Variants in UBE2E2 observed in about 807,000 individuals in gnomAD.
UBE2E2 encodes ubiquitin-conjugating enzyme E2 E2.
In UBE2E2, 6 loss-of-function variants were observed where a neutral mutation model predicts 24.7. That is an observed-to-expected ratio of 0.24 (90% CI 0.13 to 0.48). UBE2E2 has a LOEUF of 0.48. UBE2E2 is among the 20% of genes least tolerant of loss of function. The pLI is 0.99. For missense variants in UBE2E2, 169 were observed against 245.0 expected (o/e 0.69, Z 2.07); for synonymous variants, 104 against 83.6 (o/e 1.24, Z -1.33).
At chr3:23,352,062 G>A (rs147163391) in intron 3 of UBE2E2, among the ~76,000 whole-genome samples, 15,487 of 152,016 alleles carry the variant, frequency 0.1, 921 homozygotes, top group East Asian at 0.13. Flanking sequence ...TCAAACTAGA[G>A]CTCAGGATTA....
intron 3 of UBE2E2, among the ~76,000 whole-genome samples, chr3:23,390,246 C>A (rs1396842658): frequency 6.6e-6 from 1 of 152,130 alleles, no homozygotes; most frequent in African/African-American, 2.4e-5. Context: ...CCAAATGTTA[C>A]ATTTTTGGTC....
At chr3:23,270,898 A>T (rs770927430) in intron 3 of UBE2E2, 3 of 455,992 alleles carry the variant, frequency 6.6e-6, no homozygotes, top group Non-Finnish European at 1.3e-5. Context: ...ATAATTGTCT[A>T]ACATTTATGA....
intron 5 of UBE2E2, among the ~76,000 whole-genome samples, chr3:23,564,412 G>A (rs1009685312): frequency 3.9e-4 from 60 of 152,086 alleles, no homozygotes; most frequent in African/African-American, 1.3e-3. Flanking sequence ...AACTATTTTA[G>A]AATTTAAATA....
chr3:23,205,871 T>C (rs1401329071), intron 1 of UBE2E2, among the ~76,000 whole-genome samples: 1 of 152,174 alleles, frequency 6.6e-6, no homozygotes, highest in Non-Finnish European at 1.5e-5. Flanking sequence ...GATCACATCA[T>C]TGAGTAATCT....
intron 3 of UBE2E2, among the ~76,000 whole-genome samples, chr3:23,489,871 T>G (rs1699460409): frequency 6.6e-6 from 1 of 152,208 alleles, no homozygotes. Context: ...AATGGAAGTG[T>G]TCAGCGGGGA....
At chr3:23,468,322 T>C (rs1228026163) in intron 3 of UBE2E2, among the ~76,000 whole-genome samples, 1 of 152,224 alleles carries the variant, frequency 6.6e-6, no homozygotes. Context: ...CAAATCTTAT[T>C]TCTCCAATAA....
intron 3 of UBE2E2, among the ~76,000 whole-genome samples, chr3:23,250,272 C>T (rs113540311): frequency 2.0e-5 from 3 of 152,300 alleles, no homozygotes; most frequent in African/African-American, 7.2e-5. Context: ...CTATCTTCTA[C>T]GCTGGTCTTT....
intron 3 of UBE2E2, among the ~76,000 whole-genome samples, chr3:23,397,491 C>A (rs1697106282): frequency 6.6e-6 from 1 of 152,158 alleles, no homozygotes; most frequent in African/African-American, 2.4e-5. Flanking sequence ...ACATTGCCAG[C>A]TTCCCCCCTC....
At chr3:23,488,726 A>G (rs1699433535) in intron 3 of UBE2E2, among the ~76,000 whole-genome samples, 1 of 152,198 alleles carries the variant, frequency 6.6e-6, no homozygotes, top group African/African-American at 2.4e-5. Flanking sequence ...AAGCTTGTTT[A>G]TACTGCAGAT....
chr3:23,461,615 G>GT lies in UBE2E2; in HGVS notation c.228-37985dup, dbSNP rs527959236. Among the ~76,000 whole-genome samples, 527 of 151,328 alleles carry GT rather than the reference G, an allele frequency of 3.5e-3. 4 individuals carry two copies. Among genetic ancestry groups the GT allele is most frequent in the African/African-American group, 0.012 (498 of 41,250 alleles). ...CATTAGTATGATTTCCTTTATACAG[G>GT]TTTTTTTTAATGTAGATAAAATATC... On this transcript the variant is annotated intron_variant, in intron 3 of 5. Coordinates refer to ENST00000396703, the MANE Select transcript of UBE2E2 (RefSeq NM_152653.4).
At chr3:23,265,458 C>T (rs987037894) in intron 3 of UBE2E2, among the ~76,000 whole-genome samples, 1 of 152,118 alleles carries the variant, frequency 6.6e-6, no homozygotes, top group African/African-American at 2.4e-5. Flanking sequence ...CTGTTCTATC[C>T]TGAACTCTAA....
intron 3 of UBE2E2, among the ~76,000 whole-genome samples, chr3:23,436,994 G>A (rs1008095863): frequency 6.6e-6 from 1 of 152,216 alleles, no homozygotes; most frequent in African/African-American, 2.4e-5. Context: ...AGACATAAGA[G>A]TTGTGTAGTG....
At chr3:23,311,487 C>G (rs1290535971) in intron 3 of UBE2E2, among the ~76,000 whole-genome samples, 4 of 152,148 alleles carry the variant, frequency 2.6e-5, no homozygotes, top group African/African-American at 9.7e-5. Flanking sequence ...CAGTGTAGCT[C>G]TCTACTGTAG....
At chr3:23,294,751 ATTATT>A (rs1467031816) in intron 3 of UBE2E2, among the ~76,000 whole-genome samples, 3 of 148,342 alleles carry the variant, frequency 2.0e-5, no homozygotes, top group African/African-American at 7.4e-5. Context: ...GTATCTTTAG[ATTATT>A]TTATTACTTT....
In UBE2E2 at chr3:23,324,234, A is replaced by C. The variant is rs141199572; in HGVS notation, c.227+106922A>C. ...GACCTGGATGAAGCAGTTTCATTGT[A>C]ATGTTGTATTAGTTGAATCTGTGAT... On this transcript the variant is annotated intron_variant, in intron 3 of 5. Transcript: ENST00000396703. Among the ~76,000 whole-genome samples, 526 of 152,238 alleles carry C rather than the reference A, an allele frequency of 3.5e-3. 3 individuals are homozygous for C. The highest frequency in any genetic ancestry group is 9.7e-3 in the Admixed American group (149 of 15,288).
intron 3 of UBE2E2, among the ~76,000 whole-genome samples, chr3:23,445,032 G>A (rs986267876): frequency 2.6e-5 from 4 of 152,298 alleles, no homozygotes; most frequent in Admixed American, 2.6e-4. Context: ...GTAATCTTAT[G>A]CCAAGTGATC....
chr3:23,564,780 T>C (rs946182817), intron 5 of UBE2E2, among the ~76,000 whole-genome samples: 25 of 152,188 alleles, frequency 1.6e-4, no homozygotes, highest in African/African-American at 6.0e-4. Flanking sequence ...ACTCATGTTC[T>C]TGTCTTTAAT....
At chr3:23,305,806 C>T (rs1022223467) in intron 3 of UBE2E2, among the ~76,000 whole-genome samples, 1 of 152,050 alleles carries the variant, frequency 6.6e-6, no homozygotes, top group Non-Finnish European at 1.5e-5. Flanking sequence ...CACAGCTTAC[C>T]GCAGCCTGGA....
chr3:23,338,640 CA>C (rs1213222481), intron 3 of UBE2E2, among the ~76,000 whole-genome samples: 1 of 151,692 alleles, frequency 6.6e-6, no homozygotes, highest in African/African-American at 2.4e-5. Flanking sequence ...ATGAAAGTGG[CA>C]AAATGTTCAA....
Sources: allele counts gnomAD v4.1 joint callset (sites outside exome capture counted in the v4.1 genomes callset), GRCh38; gene constraint gnomAD v4.1.1; transcripts MANE v1.5; gene names NCBI Gene and HGNC (gene_info 2026-07-23, HGNC 2026-07-21).